The following DIP2A variants were observed in gnomAD, a reference collection of about 807,000 sequenced individuals.
DIP2A encodes the protein DIP2 acetate--CoA ligase A, also known as disco-interacting protein 2 homolog A.
A neutral mutation model predicts 177.4 loss-of-function variants in DIP2A; 85 were observed. That is an observed-to-expected ratio of 0.48 (90% confidence interval 0.40 to 0.57). The LOEUF (loss-of-function observed/expected upper bound fraction) is 0.57, where lower values mean the gene tolerates loss of function less well. Ranked by LOEUF, DIP2A falls within the 20% of genes least tolerant of loss-of-function variation. The pLI is 0.00. For synonymous variants in DIP2A, 886 were observed against 881.8 expected (o/e 1.00, Z -0.08); for missense variants, 1,791 against 2,100.2 (o/e 0.85, Z 2.88).
chr21:46,543,988 A>G lies in DIP2A; in HGVS notation c.2177-1149A>G, dbSNP rs1024041940. On this transcript the variant is annotated intron_variant, in intron 18 of 37. Coordinates refer to ENST00000417564, the MANE Select transcript of DIP2A (RefSeq NM_015151.4). Reference sequence around the variant, plus strand: ...GGAGATGAGAATATATTAGAAAAAAACTCAAGAAGAGGCACAGAAGGACAG... The same window carrying G: ...GGAGATGAGAATATATTAGAAAAAAGCTCAAGAAGAGGCACAGAAGGACAG... Among the ~76,000 whole-genome samples the G allele has an allele frequency of 2.2e-4, 33 of 152,282 alleles. 1 individual carries two copies. The highest frequency in any genetic ancestry group is 7.7e-4 in the African/African-American group (32 of 41,572).
intron 1 of DIP2A, among the ~76,000 whole-genome samples, chr21:46,468,599 G>A (rs1049210605): frequency 3.3e-5 from 5 of 152,128 alleles, no homozygotes; most frequent in African/African-American, 1.2e-4. Context: ...TATACAGGAT[G>A]AGTAACTGCT....
intron 1 of DIP2A, among the ~76,000 whole-genome samples, chr21:46,463,515 C>T (rs1223972068): frequency 6.6e-6 from 1 of 152,124 alleles, no homozygotes; most frequent in African/African-American, 2.4e-5. Flanking sequence ...ATAGCTTTAA[C>T]TTTAGTCTTT....
In DIP2A at chr21:46,557,145, A is replaced by G; in HGVS notation, c.3629+76A>G. ...CTTAGGAACCTTGGCCTTCTAAGGC[A>G]CCTTTTCTGGGTGCTCAGGAAGCCG... is the stretch of plus-strand genomic sequence containing the variant. On this transcript the variant is annotated intron_variant, in intron 30 of 37. Coordinates refer to ENST00000417564, the MANE Select transcript of DIP2A (RefSeq NM_015151.4). This position sits in a 1 kb window ranked among gnomAD's most constrained non-coding sequence, Gnocchi z 6.0. 6.8e-7 allele frequency: 1 copy of G among 1,474,734 alleles called. No homozygotes were observed. 91.4% of individuals were successfully genotyped at this position (1,474,734 alleles called of 1,614,324 possible). A position where few individuals can be genotyped will look rare whatever the true frequency, so the allele number is the denominator to read the frequency against.
intron 3 of DIP2A, among the ~76,000 whole-genome samples, chr21:46,494,782 C>T (rs189174676): frequency 5.8e-4 from 89 of 152,176 alleles, no homozygotes; most frequent in African/African-American, 2.0e-3. Flanking sequence ...TTATTCTTAC[C>T]GATATTCAGA....
chr21:46,532,374 G>C (rs1311031803), intron 10 of DIP2A, 137 bp downstream of exon 10: 9 of 687,932 alleles, frequency 1.3e-5, no homozygotes, highest in Non-Finnish European at 2.2e-5. Flanking sequence ...TAGTCAACAG[G>C]CTGGCCAGGA....
rs572471003 is a variant in DIP2A, at chr21:46,523,974, G to A, written c.1103-5118G>A. 3.5e-3 allele frequency among the ~76,000 whole-genome samples: 529 copies of A among 152,328 alleles called. 4 individuals are homozygous for A. Among genetic ancestry groups the A allele is most frequent in the African/African-American group, 0.012 (507 of 41,578 alleles). On this transcript the variant is annotated intron_variant, in intron 8 of 37. Transcript: ENST00000417564. The stretch of plus-strand genomic sequence containing the variant: ...GGAAGGTGAGGAGCTCAGGGAGGCC[G>A]GAGAAAGACCCAGCCATTGCGGCGA...
At position 46,461,093 on chromosome 21, in the gene DIP2A, G is replaced by A. The variant is rs114281107; in HGVS notation, c.91+1871G>A. Among the ~76,000 whole-genome samples, 368 of 151,644 alleles carry A rather than the reference G, an allele frequency of 2.4e-3. 2 individuals carry two copies. Among genetic ancestry groups the A allele is most frequent in the African/African-American group, 8.5e-3 (351 of 41,400 alleles). ...AGGCCACGTTGGCTTGGAGACGGGA[G>A]TTCAGAACAGCTTGGGTAACATAGC... On this transcript the variant is annotated intron_variant, in intron 1 of 37. Transcript: ENST00000417564.
chr21:46,548,871 A>G (rs113694297), intron 21 of DIP2A, among the ~76,000 whole-genome samples: 17 of 152,378 alleles, frequency 1.1e-4, no homozygotes, highest in Middle Eastern at 3.4e-3. Flanking sequence ...ACAAAAGCCA[A>G]GCAAAACACA....
rs745414036 is a variant in DIP2A at position 46,563,852 on chromosome 21, T to G, written c.4090-6T>G. 4.6e-5 allele frequency: 75 copies of G among 1,613,258 alleles called. No individual in the cohort carries two copies. The highest frequency in any genetic ancestry group is 7.6e-6 in the Non-Finnish European group (9 of 1,179,726). On this transcript the variant is annotated splice_region_variant and splice_polypyrimidine_tract_variant and intron_variant, in intron 34 of 37. Transcript: ENST00000417564. This position sits in a 1 kb window ranked among gnomAD's most constrained non-coding sequence, Gnocchi z 4.3. ...TTAACAAGGGACATAGCTCTCCTCC[T>G]TCCAGATCCTCCCCGGCGTGAAGGT...
At chr21:46,555,294 C>G (rs1033264708) in intron 28 of DIP2A, among the ~76,000 whole-genome samples, 4 of 152,272 alleles carry the variant, frequency 2.6e-5, no homozygotes, top group Non-Finnish European at 5.9e-5. Flanking sequence ...CTGTCCCCAT[C>G]ATTGGTGAAT....
chr21:46,467,228 G>A (rs1057264886), intron 1 of DIP2A, among the ~76,000 whole-genome samples: 10 of 149,406 alleles, frequency 6.7e-5, no homozygotes, highest in Admixed American at 2.0e-4. Context: ...CCTGGGAGGC[G>A]GAGGTTGCAG....
intron 8 of DIP2A, among the ~76,000 whole-genome samples, chr21:46,520,510 C>T (rs1320432483): frequency 6.6e-6 from 1 of 152,170 alleles, no homozygotes; most frequent in Non-Finnish European, 1.5e-5. Flanking sequence ...ATTCTAATGT[C>T]GCAACCTCCA....
At chr21:46,578,464 G>T in the DIP2A span, among the ~76,000 whole-genome samples, 1 of 152,184 alleles carries the variant, frequency 6.6e-6, no homozygotes, top group Admixed American at 6.5e-5. Context: ...TCTCTTGCCT[G>T]ATTCCCTTGC....
chr21:46,566,718 C>T (rs1248700995), intron 37 of DIP2A, 35 bp downstream of exon 37: 1 of 1,612,850 alleles, frequency 6.2e-7, no homozygotes, highest in Non-Finnish European at 8.5e-7. Context: ...TTCACGTGGT[C>T]CCTCCAGCCC....
intron 18 of DIP2A, among the ~76,000 whole-genome samples, chr21:46,543,944 C>T (rs187237002): frequency 6.6e-6 from 1 of 152,292 alleles, no homozygotes; most frequent in Non-Finnish European, 1.5e-5. Flanking sequence ...TTGTCTCTCT[C>T]TTTCTTTTTA....
At chr21:46,539,155 G>A (rs929213503) in intron 16 of DIP2A, 6 of 131,544 alleles carry the variant, frequency 4.6e-5, no homozygotes, top group Admixed American at 3.5e-4. Context: ...GACTGTCCAG[G>A]GTCTGACTCA....
At position 46,567,964 on chromosome 21, in the gene DIP2A, A is replaced by G; in HGVS notation, c.*342A>G. On this transcript the variant is annotated 3_prime_UTR_variant, in exon 38 of 38. Coordinates refer to ENST00000417564, the MANE Select transcript of DIP2A (RefSeq NM_015151.4). ...GCAAGTTTGCACTTTCTTTAGGCTA[A>G]AAATATAGTTCCTGATTTTTAAAAT... The G allele has an allele frequency of 4.5e-6, 1 of 221,264 alleles. No homozygotes were observed. The highest frequency in any genetic ancestry group is 8.8e-6 in the Non-Finnish European group (1 of 113,596). The allele number at this position is 221,264 out of a possible 1,614,324, so 13.7% of individuals were successfully genotyped here. A position where few individuals can be genotyped will look rare whatever the true frequency, so the allele number is the denominator to read the frequency against.
chr21:46,566,710 C>T, intron 37 of DIP2A, 27 bp downstream of exon 37: 1 of 1,613,614 alleles, frequency 6.2e-7, no homozygotes, highest in Non-Finnish European at 8.5e-7. Flanking sequence ...AGGGCGGCTT[C>T]ACGTGGTCCC....
In DIP2A at chr21:46,565,798, G is replaced by A. The variant is rs368468937; in HGVS notation, c.4250G>A (p.Arg1417Gln). ...EALHADHFSA[R>Q]LSFGDTQTIW... ...CTTCATGCCGACCACTTCAGTGCCC[G>A]GCTGAGTTTTGGAGACACACAGACC... The change falls in exon 36 of 38, where the codon CGG becomes CAG. Residue 1417 changes from arginine (R) to glutamine (Q), a missense_variant. By Grantham distance (43) the Arg-to-Gln change is conservative. Coordinates refer to ENST00000417564, the MANE Select transcript of DIP2A (RefSeq NM_015151.4). The A allele has an allele frequency of 3.1e-5, 50 of 1,613,962 alleles. No individual in the cohort carries two copies. Among genetic ancestry groups the A allele is most frequent in the Middle Eastern group, 1.6e-4 (1 of 6,062 alleles).
Sources: allele counts gnomAD v4.1 joint callset (sites outside exome capture counted in the v4.1 genomes callset), GRCh38; gene constraint gnomAD v4.1.1; non-coding constraint Gnocchi (gnomAD v3.1); transcripts MANE v1.5; gene names NCBI Gene and HGNC (gene_info 2026-07-23, HGNC 2026-07-21).